EDIL3: variants seen among roughly 807,000 people sequenced by gnomAD.
EDIL3 encodes the protein EGF like and discoidin domains 3.
EDIL3 carries 37 observed loss-of-function variants against 67.4 expected under a neutral mutation model. The ratio of observed to expected loss-of-function variants is 0.55; its 90% CI spans 0.42 to 0.72. EDIL3 has a LOEUF of 0.72. Ranked by LOEUF, EDIL3 falls within the 30% of genes least tolerant of loss-of-function variation. The pLI is 0.00. For missense variants in EDIL3, 527 were observed against 586.3 expected, an observed-to-expected ratio of 0.90 and a Z score of 1.04; for synonymous variants, 195 against 196.3, an observed-to-expected ratio of 0.99 and a Z score of 0.05.
chr5:84,273,287 C>A (rs1322468444), intron 1 of EDIL3, among the ~76,000 whole-genome samples: 1 of 152,122 alleles, frequency 6.6e-6, no homozygotes, highest in Non-Finnish European at 1.5e-5. Flanking sequence ...AGCCTGAGTT[C>A]CTGAATCAAT....
At chr5:83,949,791 G>A (rs927217685) in intron 10 of EDIL3, among the ~76,000 whole-genome samples, 2 of 151,880 alleles carry the variant, frequency 1.3e-5, no homozygotes, top group African/African-American at 4.8e-5. Context: ...ACCCAAGGAG[G>A]AGTCTGTTTT....
At chr5:84,151,364 A>G (rs192857689) in intron 4 of EDIL3, among the ~76,000 whole-genome samples, 154 of 152,136 alleles carry the variant, frequency 1.0e-3, no homozygotes, top group African/African-American at 3.4e-3. Context: ...CAAATTCACA[A>G]AAGAAAGGTT....
intron 9 of EDIL3, among the ~76,000 whole-genome samples, chr5:83,968,640 T>C (rs1296864099): frequency 6.6e-6 from 1 of 152,022 alleles, no homozygotes; most frequent in African/African-American, 2.4e-5. Flanking sequence ...ATTCCAAATA[T>C]ACAGGCATCA....
intron 9 of EDIL3, among the ~76,000 whole-genome samples, chr5:83,987,855 G>A (rs1745079927): frequency 1.3e-5 from 1 of 79,024 alleles, no homozygotes; most frequent in African/African-American, 7.7e-5. Flanking sequence ...AGCTGATAGG[G>A]TGTGTGTGTG....
rs1744249106 is a variant in EDIL3, at chr5:83,942,852, A to G, written c.*567T>C. The G allele has an allele frequency of 1.3e-5, 2 of 152,696 alleles. No individual in the cohort carries two copies. Among genetic ancestry groups the G allele is most frequent in the African/African-American group, 4.8e-5 (2 of 41,460 alleles). The allele number at this position is 152,696 out of a possible 1,614,324, so 9.5% of individuals were successfully genotyped here. ...GAAGTCACATAATCTCTTATTAGAA[A>G]TAATGAAAGTAAAATGAGAATTATA... On this transcript the variant is annotated 3_prime_UTR_variant, in exon 11 of 11. Transcript: ENST00000296591.
At chr5:84,258,510 G>A (rs2112081411) in intron 1 of EDIL3, among the ~76,000 whole-genome samples, 1 of 152,244 alleles carries the variant, frequency 6.6e-6, no homozygotes, top group Non-Finnish European at 1.5e-5. Context: ...GTAGAGTGAG[G>A]GCCTAAGGCT....
chr5:84,000,344 C>T (rs1053667375), intron 9 of EDIL3, among the ~76,000 whole-genome samples: 1 of 152,032 alleles, frequency 6.6e-6, no homozygotes, highest in African/African-American at 2.4e-5. Context: ...CCTATGACCA[C>T]TTTTAAAGAT....
intron 2 of EDIL3, among the ~76,000 whole-genome samples, chr5:84,246,843 T>A (rs1024609384): frequency 6.6e-6 from 1 of 152,192 alleles, no homozygotes; most frequent in African/African-American, 2.4e-5. Flanking sequence ...TATTTTTACA[T>A]CAATAAGCTA....
At chr5:84,009,102 G>A (rs1022361386) in intron 9 of EDIL3, among the ~76,000 whole-genome samples, 3 of 152,122 alleles carry the variant, frequency 2.0e-5, no homozygotes, top group Admixed American at 6.5e-5. Context: ...GTGAGCCACC[G>A]CACATGGCCA....
intron 3 of EDIL3, among the ~76,000 whole-genome samples, chr5:84,212,540 T>C (rs1256824480): frequency 6.6e-6 from 1 of 152,180 alleles, no homozygotes; most frequent in Non-Finnish European, 1.5e-5. Flanking sequence ...CTCAGTTACC[T>C]ACCACAGAAA....
At chr5:84,119,383 A>C (rs188741567) in intron 5 of EDIL3, among the ~76,000 whole-genome samples, 2 of 152,060 alleles carry the variant, frequency 1.3e-5, no homozygotes, top group African/African-American at 4.8e-5. Flanking sequence ...GCCACTTGGC[A>C]TCTCCTTAAT....
At chr5:84,366,666 G>A (rs1009687585) in intron 1 of EDIL3, among the ~76,000 whole-genome samples, 9 of 152,010 alleles carry the variant, frequency 5.9e-5, no homozygotes, top group Non-Finnish European at 1.0e-4. Flanking sequence ...TATCAAAAAC[G>A]GAAAGGGGAT....
chr5:84,250,690 A>G (rs1289826146), intron 2 of EDIL3, among the ~76,000 whole-genome samples: 1 of 152,220 alleles, frequency 6.6e-6, no homozygotes, highest in African/African-American at 2.4e-5. Context: ...AACTGCAATG[A>G]AAAGAGTATG....
intron 6 of EDIL3, among the ~76,000 whole-genome samples, chr5:84,086,119 G>A (rs183502195): frequency 2.9e-3 from 446 of 152,330 alleles, no homozygotes; most frequent in Non-Finnish European, 5.2e-3. Context: ...GACCTGCTGA[G>A]TGAGACCACT....
At chr5:84,327,161 TATAATAC>T (rs1746779462) in intron 1 of EDIL3, among the ~76,000 whole-genome samples, 1 of 151,998 alleles carries the variant, frequency 6.6e-6, no homozygotes, top group Admixed American at 6.6e-5. Flanking sequence ...ATTTCTAGTA[TATAATAC>T]ATCATTATTA....
At chr5:84,346,387 T>C (rs1237505267) in intron 1 of EDIL3, among the ~76,000 whole-genome samples, 1 of 152,158 alleles carries the variant, frequency 6.6e-6, no homozygotes, top group Admixed American at 6.6e-5. Context: ...AGAATGGGCT[T>C]GGCTGTGTCC....
chr5:84,160,730 TTTTTC>T lies in EDIL3; in HGVS notation c.355+19658_355+19662del, dbSNP rs1318124375. Among the ~76,000 whole-genome samples, 493 of 131,374 alleles carry T rather than the reference TTTTTC, an allele frequency of 3.8e-3. 7 individuals carry two copies. Among genetic ancestry groups the T allele is most frequent in the African/African-American group, 0.012 (438 of 37,488 alleles). The allele number at this position is 131,374 out of a possible 152,430, so 86.2% of individuals were successfully genotyped here. On this transcript the variant is annotated intron_variant, in intron 4 of 10. Coordinates refer to ENST00000296591, the MANE Select transcript of EDIL3 (RefSeq NM_005711.5). ...AGGTGTCATTTTCATTTTCTTCTTT[TTTTTC>T]TTTTCTTTTCTTTCCTTTCCTTTCC... is the stretch of plus-strand genomic sequence containing the variant.
intron 3 of EDIL3, among the ~76,000 whole-genome samples, chr5:84,215,375 T>TC (rs1384761518): frequency 6.6e-6 from 1 of 151,906 alleles, no homozygotes; most frequent in Admixed American, 6.6e-5. Flanking sequence ...TGCCTCAGCC[T>TC]CCCGAGTAGC....
Position 84,012,578 on chromosome 5 carries a change from A to T in EDIL3, c.1137+47722T>A, listed in dbSNP as rs114857474. Among the ~76,000 whole-genome samples the T allele has an allele frequency of 3.8e-3, 572 of 152,254 alleles. 4 individuals carry two copies. The highest frequency in any genetic ancestry group is 0.013 in the African/African-American group (549 of 41,570). On this transcript the variant is annotated intron_variant, in intron 9 of 10. Transcript: ENST00000296591. Reference sequence around the variant, plus strand: ...AAAAGGGTCCAGTAGCATTTGGAAAAATGCCTGCTTAATATTACTCTATCT... The same window carrying T: ...AAAAGGGTCCAGTAGCATTTGGAAATATGCCTGCTTAATATTACTCTATCT...
Sources: gnomAD v4.1 joint callset for allele counts (sites outside exome capture counted in the v4.1 genomes callset) on GRCh38, gnomAD v4.1.1 for gene constraint, MANE v1.5 for transcripts, NCBI Gene and HGNC (gene_info 2026-07-23, HGNC 2026-07-21) for gene names.